COL4A4: variants seen among roughly 807,000 people sequenced by gnomAD.
COL4A4 encodes the protein collagen alpha-4(IV) chain.
COL4A4 carries 105 observed loss-of-function variants against 192.9 expected under a neutral mutation model. The ratio of observed to expected loss-of-function variants is 0.54; its 90% CI spans 0.46 to 0.64. The LOEUF (loss-of-function observed/expected upper bound fraction) is 0.64. COL4A4 is among the 30% of genes least tolerant of loss of function. COL4A4 has a pLI of 0.00. For synonymous variants in COL4A4, 762 were observed against 769.9 expected (o/e 0.99, Z 0.17); for missense variants, 1,967 against 2,169.3 (o/e 0.91, Z 1.85).
In COL4A4 at chr2:227,111,788, T is replaced by C. The variant is rs1006693788; in HGVS notation, c.559-75A>G. The C allele has an allele frequency of 3.4e-6, 5 of 1,472,592 alleles. No homozygotes were observed. In the African/African-American group the frequency reaches 4.2e-5, roughly 12 times the overall value. The allele number at this position is 1,472,592 out of a possible 1,614,324, so 91.2% of individuals were successfully genotyped here. ...CAGAGATTATGTAAAAATAGAAATATACACAAAATTATCTGGACTCATCTA... is the reference window on the plus strand; with the variant it reads ...CAGAGATTATGTAAAAATAGAAATACACACAAAATTATCTGGACTCATCTA... On this transcript the variant is annotated intron_variant, in intron 8 of 47. Transcript: ENST00000396625.
chr2:227,073,903 G>A (rs2150423828), intron 25 of COL4A4, among the ~76,000 whole-genome samples: 1 of 152,144 alleles, frequency 6.6e-6, no homozygotes, highest in Middle Eastern at 3.4e-3. Context: ...ATCAACTGAA[G>A]ATGGTTCAAA....
chr2:227,053,474 G>A (rs1438453866), intron 31 of COL4A4, among the ~76,000 whole-genome samples: 1 of 151,848 alleles, frequency 6.6e-6, no homozygotes, highest in African/African-American at 2.4e-5. Context: ...ACAGGGATGG[G>A]GACATAATAT....
chr2:227,152,444 T>C (rs1401182704), intron 1 of COL4A4, among the ~76,000 whole-genome samples: 2 of 152,232 alleles, frequency 1.3e-5, no homozygotes, highest in Non-Finnish European at 2.9e-5. Flanking sequence ...TGAAGATCTC[T>C]GTCTTGAATG....
chr2:227,001,040 A>G (rs538505025), downstream of COL4A4, among the ~76,000 whole-genome samples: 2 of 151,980 alleles, frequency 1.3e-5, no homozygotes, highest in South Asian at 4.2e-4. Flanking sequence ...AAAATTTATC[A>G]GCAGCATGAA....
intron 45 of COL4A4, among the ~76,000 whole-genome samples, chr2:227,011,893 C>A (rs573360928): frequency 1.3e-5 from 2 of 152,326 alleles, no homozygotes; most frequent in South Asian, 4.1e-4. Context: ...GAAAAGTGAA[C>A]TGCAGAAATG....
intron 1 of COL4A4, among the ~76,000 whole-genome samples, chr2:227,151,380 T>C (rs1337347944): frequency 1.3e-5 from 2 of 152,182 alleles, no homozygotes; most frequent in Non-Finnish European, 2.9e-5. Context: ...GTGGGAAATA[T>C]AGTTGTTAGT....
At position 227,008,312 on chromosome 2, in the gene COL4A4, A is replaced by G. The variant is rs13419076; in HGVS notation, c.4523-8T>C. ...GGCAAGACCCTGCCAGACCTTGGGA[A>G]GGGAAGAAGAGACAGCTGGTGTCCA... On this transcript the variant is annotated splice_region_variant and splice_polypyrimidine_tract_variant and intron_variant, in intron 46 of 47. Coordinates refer to ENST00000396625, the MANE Select transcript of COL4A4 (RefSeq NM_000092.5). 0.44 allele frequency: 702,533 copies of G among 1,611,954 alleles called. 156,585 individuals are homozygous for G. Among genetic ancestry groups the G allele is most frequent in the African/African-American group, 0.6 (45,181 of 74,942 alleles).
intron 25 of COL4A4, among the ~76,000 whole-genome samples, chr2:227,065,366 T>C (rs1199174205): frequency 1.3e-5 from 2 of 152,170 alleles, no homozygotes; most frequent in Non-Finnish European, 2.9e-5. Flanking sequence ...TCAAACTGGG[T>C]GGAGCCCACC....
intron 22 of COL4A4, among the ~76,000 whole-genome samples, chr2:227,087,940 C>T (rs912333905): frequency 6.6e-6 from 1 of 152,096 alleles, no homozygotes; most frequent in Non-Finnish European, 1.5e-5. Context: ...TGGCGTTTAT[C>T]ACCACATGAC....
At chr2:227,011,623 G>T (rs996119023) in intron 45 of COL4A4, among the ~76,000 whole-genome samples, 7 of 152,146 alleles carry the variant, frequency 4.6e-5, no homozygotes, top group African/African-American at 1.7e-4. Flanking sequence ...GCTACATGGT[G>T]CATTGTTTCA....
rs1378568276 is a variant in COL4A4 at position 227,050,927 on chromosome 2, G to A, written c.3150+50C>T. On this transcript the variant is annotated intron_variant, in intron 33 of 47. Coordinates refer to ENST00000396625, the MANE Select transcript of COL4A4 (RefSeq NM_000092.5). ...TTATAGCTCCTTACGGACATCCTAAGAACAGAAAGGTTTTATTGTCTCTTC... is the reference window on the plus strand; with the variant it reads ...TTATAGCTCCTTACGGACATCCTAAAAACAGAAAGGTTTTATTGTCTCTTC... 5 of 1,608,620 alleles carry A rather than the reference G, an allele frequency of 3.1e-6. No homozygotes were observed. The South Asian group carries it at 3.3e-5, about 11-fold the overall frequency.
At chr2:227,099,357 G>A (rs1021921356) in intron 18 of COL4A4, among the ~76,000 whole-genome samples, 1 of 152,162 alleles carries the variant, frequency 6.6e-6, no homozygotes, top group Non-Finnish European at 1.5e-5. Flanking sequence ...GTGAGCCACT[G>A]AACCCAGCCA....
Position 227,020,880 on chromosome 2 carries a change from C to CTTTTTT in COL4A4, c.4216+1162_4216+1167dup, listed in dbSNP as rs57119611. 7.0e-4 allele frequency among the ~76,000 whole-genome samples: 89 copies of CTTTTTT among 127,578 alleles called. 12 individuals carry two copies. Among genetic ancestry groups the CTTTTTT allele is most frequent in the Admixed American group, 9.8e-4 (12 of 12,244 alleles). The allele number at this position is 127,578 out of a possible 152,430, so 83.7% of individuals were successfully genotyped here. ...CAAACCATTCGGAGAACACTTTTTTCTTTTTTTTTTTTTTTTGAGATGGAG... is the reference window on the plus strand; with the variant it reads ...CAAACCATTCGGAGAACACTTTTTTCTTTTTTTTTTTTTTTTTTTTTTGAGATGGAG... On this transcript the variant is annotated intron_variant, in intron 44 of 47. Coordinates refer to ENST00000396625, the MANE Select transcript of COL4A4 (RefSeq NM_000092.5).
At chr2:227,096,051 T>A (rs910187176) in intron 19 of COL4A4, among the ~76,000 whole-genome samples, 6 of 152,156 alleles carry the variant, frequency 3.9e-5, no homozygotes, top group Non-Finnish European at 8.8e-5. Flanking sequence ...CTGTCCTACA[T>A]CCTCTTGTTG....
intron 25 of COL4A4, among the ~76,000 whole-genome samples, chr2:227,068,936 T>C (rs2058529670): frequency 6.6e-6 from 1 of 150,508 alleles, no homozygotes; most frequent in Non-Finnish European, 1.5e-5. Context: ...TGTCCCTGTT[T>C]GCAGACGACA....
At chr2:227,018,230 G>T (rs1965313344) in intron 44 of COL4A4, among the ~76,000 whole-genome samples, 1 of 151,956 alleles carries the variant, frequency 6.6e-6, no homozygotes, top group African/African-American at 2.4e-5. Flanking sequence ...CAACTCTTTT[G>T]TTTTGTTTTG....
intron 19 of COL4A4, among the ~76,000 whole-genome samples, chr2:227,097,012 A>C (rs959778116): frequency 3.3e-5 from 5 of 152,164 alleles, no homozygotes; most frequent in African/African-American, 1.2e-4. Context: ...ATAGGACTAG[A>C]TACACTCCTG....
In COL4A4 at chr2:227,080,298, T is replaced by C; in HGVS notation, c.1803+145A>G. On this transcript the variant is annotated intron_variant, in intron 24 of 47. Coordinates refer to ENST00000396625, the MANE Select transcript of COL4A4 (RefSeq NM_000092.5). ...ACCTCTTAAAACAATCATCTTTCCATGTCAGGGTGCCAAAAGTGACTCTGA... is the reference window on the plus strand; with the variant it reads ...ACCTCTTAAAACAATCATCTTTCCACGTCAGGGTGCCAAAAGTGACTCTGA... 1.2e-5 allele frequency: 9 copies of C among 767,472 alleles called. No individual in the cohort carries two copies. The South Asian group carries it at 1.3e-4, about 11-fold the overall frequency. 47.5% of individuals were successfully genotyped at this position (767,472 alleles called of 1,614,324 possible). A position where few individuals can be genotyped will look rare whatever the true frequency, so the allele number is the denominator to read the frequency against.
At chr2:227,091,213 G>C (rs1324897699) in intron 20 of COL4A4, among the ~76,000 whole-genome samples, 2 of 150,730 alleles carry the variant, frequency 1.3e-5, no homozygotes, top group African/African-American at 4.9e-5. Flanking sequence ...TGCTACAAAA[G>C]GAAACATTAA....
Sources: gnomAD v4.1 joint callset for allele counts (sites outside exome capture counted in the v4.1 genomes callset) on GRCh38, gnomAD v4.1.1 for gene constraint, MANE v1.5 for transcripts, NCBI Gene and HGNC (gene_info 2026-07-23, HGNC 2026-07-21) for gene names.